The following CADM2 variants were observed in gnomAD, a reference collection of about 807,000 sequenced individuals.
CADM2 encodes immunoglobulin superfamily member 4D.
In CADM2, 12 loss-of-function variants were observed where a neutral mutation model predicts 49.8. The observed-to-expected ratio is 0.24, with a 90% CI of 0.15 to 0.39. The LOEUF is 0.39. Ranked by LOEUF, CADM2 falls within the 10% of genes least tolerant of loss-of-function variation. CADM2 has a pLI of 1.00. For synonymous variants in CADM2, 214 were observed against 175.4 expected, an observed-to-expected ratio of 1.22 and a Z score of -1.74; for missense variants, 378 against 492.3, an observed-to-expected ratio of 0.77 and a Z score of 2.20.
intron 1 of CADM2, among the ~76,000 whole-genome samples, chr3:85,439,396 G>T (rs1043829328): frequency 6.7e-6 from 1 of 149,618 alleles, no homozygotes; most frequent in African/African-American, 2.5e-5. Flanking sequence ...CAGCTGATTT[G>T]CCCGCCTCGG....
intron 1 of CADM2, among the ~76,000 whole-genome samples, chr3:85,001,714 G>A (rs1373718198): frequency 6.6e-6 from 1 of 151,928 alleles, no homozygotes; most frequent in Non-Finnish European, 1.5e-5. Context: ...AAGAAGTGTT[G>A]TTGATACTCA....
intron 4 of CADM2, among the ~76,000 whole-genome samples, chr3:85,885,688 A>AG (rs1214474943): frequency 6.7e-6 from 1 of 148,774 alleles, no homozygotes; most frequent in African/African-American, 2.5e-5. Flanking sequence ...CTCAAAAAAA[A>AG]AAAAAAAAAA....
chr3:85,181,187 A>G (rs1237744022), intron 1 of CADM2, among the ~76,000 whole-genome samples: 2 of 152,314 alleles, frequency 1.3e-5, no homozygotes, highest in Admixed American at 6.5e-5. Context: ...ACAAATAAGC[A>G]TGGCATATGC....
At chr3:85,070,754 A>G (rs1262954996) in intron 1 of CADM2, among the ~76,000 whole-genome samples, 2 of 152,082 alleles carry the variant, frequency 1.3e-5, no homozygotes. Context: ...GCACTTTGGG[A>G]GGCCGAGGCA....
intron 1 of CADM2, among the ~76,000 whole-genome samples, chr3:85,006,138 C>G (rs2107233267): frequency 6.6e-6 from 1 of 152,186 alleles, no homozygotes; most frequent in East Asian, 1.9e-4. Flanking sequence ...GCCAGCAGAT[C>G]AACATTGCAT....
intron 1 of CADM2, among the ~76,000 whole-genome samples, chr3:85,133,166 A>T (rs552305155): frequency 1.3e-5 from 2 of 152,288 alleles, no homozygotes; most frequent in Non-Finnish European, 2.9e-5. Context: ...AGCAGTGTGG[A>T]CCCAAAGAGT....
intron 1 of CADM2, among the ~76,000 whole-genome samples, chr3:85,513,386 C>T (rs1011081100): frequency 2.6e-5 from 4 of 151,776 alleles, no homozygotes; most frequent in African/African-American, 7.3e-5. Flanking sequence ...CAAGACCCAT[C>T]GTCATTCATT....
At chr3:85,447,324 A>G (rs150496603) in intron 1 of CADM2, among the ~76,000 whole-genome samples, 304 of 152,220 alleles carry the variant, frequency 2.0e-3, no homozygotes, top group South Asian at 8.1e-3. Flanking sequence ...TTTAGGTATT[A>G]TAATTTGTGA....
chr3:85,118,506 A>C (rs976048513), intron 1 of CADM2, among the ~76,000 whole-genome samples: 2 of 152,152 alleles, frequency 1.3e-5, no homozygotes, highest in African/African-American at 4.8e-5. Context: ...GAGCCTGTGC[A>C]GGGGAACTCC....
At chr3:85,081,020 C>T (rs1384449232) in intron 1 of CADM2, among the ~76,000 whole-genome samples, 5 of 151,852 alleles carry the variant, frequency 3.3e-5, no homozygotes, top group Non-Finnish European at 7.4e-5. Flanking sequence ...GAGTCAGTAC[C>T]CACAATTTAT....
rs11350369 is a variant in CADM2, at chr3:85,712,734, C to CT, written c.62-13778dup. On this transcript the variant is annotated intron_variant, in intron 1 of 9. Transcript: ENST00000383699. Reference sequence around the variant, plus strand: ...TATGTTTAGTTCAGATCATGTTAAGCTTTTTTTTTTCCCCAAATACTATTC... The same window carrying CT: ...TATGTTTAGTTCAGATCATGTTAAGCTTTTTTTTTTTCCCCAAATACTATTC... Among the ~76,000 whole-genome samples, 8 of 150,904 alleles carry CT rather than the reference C, an allele frequency of 5.3e-5. No homozygotes were observed. In the South Asian group the frequency reaches 1.0e-3, roughly 20 times the overall value.
At chr3:85,666,347 T>G (rs1183895126) in intron 1 of CADM2, among the ~76,000 whole-genome samples, 1 of 151,922 alleles carries the variant, frequency 6.6e-6, no homozygotes, top group East Asian at 1.9e-4. Flanking sequence ...GATGACATCC[T>G]GGAACCACAA....
chr3:85,808,680 CT>C (rs1018127432), intron 3 of CADM2, among the ~76,000 whole-genome samples: 32 of 152,166 alleles, frequency 2.1e-4, no homozygotes, highest in African/African-American at 7.5e-4. Context: ...AAATACATGA[CT>C]TTTTTGTGAT....
chr3:85,345,987 T>G (rs1244419834), intron 1 of CADM2, among the ~76,000 whole-genome samples: 1 of 152,206 alleles, frequency 6.6e-6, no homozygotes, highest in East Asian at 1.9e-4. Context: ...ATGTAAAATG[T>G]CCACAATTGG....
At chr3:85,599,096 G>A (rs62263912) in intron 1 of CADM2, among the ~76,000 whole-genome samples, 77,945 of 151,650 alleles carry the variant, frequency 0.51, 23,040 homozygotes, top group East Asian at 0.85. Context: ...AACCCATGAA[G>A]AAATTGACCT....
intron 1 of CADM2, among the ~76,000 whole-genome samples, chr3:85,475,814 G>A (rs371230492): frequency 3.9e-4 from 59 of 151,958 alleles, no homozygotes; most frequent in South Asian, 2.9e-3. Flanking sequence ...TCCAGGCACT[G>A]TTCCTAGATG....
intron 2 of CADM2, among the ~76,000 whole-genome samples, chr3:85,772,008 C>CTTTTTTTTTTTTTTTTTTT (rs397938377): frequency 8.9e-6 from 1 of 112,222 alleles, no homozygotes. Context: ...TTCTTTCTTT[C>CTTTTTTTTTTTTTTTTTTT]TTTTTTTTTT....
chr3:85,648,303 A>G (rs1286488506), intron 1 of CADM2, among the ~76,000 whole-genome samples: 2 of 151,918 alleles, frequency 1.3e-5, no homozygotes, highest in African/African-American at 2.4e-5. Flanking sequence ...CTTTAAGTAG[A>G]CACTATTTTG....
At chr3:85,629,320 A>C (rs891527186) in intron 1 of CADM2, among the ~76,000 whole-genome samples, 1 of 151,942 alleles carries the variant, frequency 6.6e-6, no homozygotes, top group Admixed American at 6.6e-5. Flanking sequence ...GACGAAGCCT[A>C]CTAAAATAAA....
Sources: allele counts gnomAD v4.1 joint callset (sites outside exome capture counted in the v4.1 genomes callset), GRCh38; gene constraint gnomAD v4.1.1; transcripts MANE v1.5; gene names NCBI Gene and HGNC (gene_info 2026-07-23, HGNC 2026-07-21).